Variants in TMEM163 observed in about 807,000 individuals in gnomAD.
TMEM163 encodes the protein transmembrane protein 163.
TMEM163 carries 17 observed loss-of-function variants against 29.3 expected under a neutral mutation model. The observed-to-expected ratio is 0.58, with a 90% CI of 0.40 to 0.87. The LOEUF (loss-of-function observed/expected upper bound fraction) is 0.87. Among genes scored for constraint, TMEM163 ranks in the 40% least tolerant of loss-of-function variants. The pLI is 0.00. For missense variants in TMEM163, 303 were observed against 381.5 expected (o/e 0.79, Z 1.71); for synonymous variants, 157 against 160.6 (o/e 0.98, Z 0.17).
chr2:134,584,910 G>A (rs1226913248), intron 2 of TMEM163, among the ~76,000 whole-genome samples: 1 of 152,160 alleles, frequency 6.6e-6, no homozygotes, highest in East Asian at 1.9e-4. Flanking sequence ...GAGCTGGTAA[G>A]CAGCAGAGTC....
At chr2:134,503,146 T>C (rs1483692433) in intron 4 of TMEM163, 149 bp from the exon 5 acceptor site, 17 of 688,012 alleles carry the variant, frequency 2.5e-5, no homozygotes, top group Non-Finnish European at 3.5e-5. Context: ...AGTCCATGGA[T>C]TGACACTAAG....
chr2:134,462,905 G>T (rs936334588), intron 6 of TMEM163, among the ~76,000 whole-genome samples: 6 of 152,238 alleles, frequency 3.9e-5, no homozygotes, highest in Admixed American at 6.5e-5. Context: ...CCACAGCCAG[G>T]TGTCCAGCGA....
chr2:134,708,250 G>A (rs771254843), intron 2 of TMEM163, among the ~76,000 whole-genome samples: 60 of 152,332 alleles, frequency 3.9e-4, no homozygotes, highest in Non-Finnish European at 8.2e-4. Context: ...GAAAGTATCT[G>A]AAGAGTCTTA....
intron 2 of TMEM163, among the ~76,000 whole-genome samples, chr2:134,637,796 T>C (rs920435933): frequency 2.0e-5 from 3 of 152,250 alleles, no homozygotes; most frequent in East Asian, 1.9e-4. Context: ...GCAGCTCACA[T>C]TTATTTCAAT....
intron 2 of TMEM163, among the ~76,000 whole-genome samples, chr2:134,556,299 C>T (rs776426115): frequency 6.6e-6 from 1 of 152,190 alleles, no homozygotes; most frequent in South Asian, 2.1e-4. Flanking sequence ...CACTTCCAGC[C>T]ACATGAGTCT....
chr2:134,464,071 C>T (rs932312753), intron 6 of TMEM163, among the ~76,000 whole-genome samples: 1 of 152,218 alleles, frequency 6.6e-6, no homozygotes, highest in Non-Finnish European at 1.5e-5. Context: ...ACTGCTTTTA[C>T]CATCTAAGTA....
intron 2 of TMEM163, among the ~76,000 whole-genome samples, chr2:134,597,345 G>T (rs1233373006): frequency 2.0e-5 from 3 of 152,178 alleles, no homozygotes; most frequent in African/African-American, 4.8e-5. Context: ...TTTTGTCAAA[G>T]GCCTTTTCTG....
At chr2:134,639,647 G>T (rs1303701297) in intron 2 of TMEM163, among the ~76,000 whole-genome samples, 2 of 152,160 alleles carry the variant, frequency 1.3e-5, no homozygotes, top group African/African-American at 4.8e-5. Context: ...CTTTTGTCTA[G>T]TTATAGCAAA....
intron 2 of TMEM163, among the ~76,000 whole-genome samples, chr2:134,662,514 A>G (rs902081995): frequency 2.6e-5 from 4 of 152,204 alleles, no homozygotes; most frequent in East Asian, 3.9e-4. Flanking sequence ...AATTATTCAT[A>G]TAATTTCAAA....
chr2:134,609,069 C>T (rs1288298756), intron 2 of TMEM163, among the ~76,000 whole-genome samples: 1 of 79,186 alleles, frequency 1.3e-5, no homozygotes, highest in Non-Finnish European at 2.6e-5. Flanking sequence ...AGGACAGACC[C>T]CGAGAACTGT....
At chr2:134,592,890 A>AGATAGATAGATAGATAGATAGACC (rs1471437013) in intron 2 of TMEM163, among the ~76,000 whole-genome samples, 1 of 152,104 alleles carries the variant, frequency 6.6e-6, no homozygotes, top group African/African-American at 2.4e-5. Flanking sequence ...ATAGATAGAT[A>AGATAGATAGATAGATAGATAGACC]GACCAACCCT....
intron 4 of TMEM163, among the ~76,000 whole-genome samples, chr2:134,514,827 C>T (rs1029110477): frequency 2.6e-5 from 4 of 152,142 alleles, no homozygotes; most frequent in African/African-American, 9.7e-5. Flanking sequence ...ACTGTACCTG[C>T]GCAGAAACTT....
At chr2:134,549,599 C>T (rs1446938316) in intron 4 of TMEM163, among the ~76,000 whole-genome samples, 2 of 152,160 alleles carry the variant, frequency 1.3e-5, no homozygotes, top group East Asian at 3.9e-4. Flanking sequence ...CTGCCTCAGC[C>T]TCCCAAAGTG....
At chr2:134,615,811 C>CATGCCCAGCTAATTCTTGTATTTTT (rs1682598866) in intron 2 of TMEM163, among the ~76,000 whole-genome samples, 1 of 152,078 alleles carries the variant, frequency 6.6e-6, no homozygotes, top group Non-Finnish European at 1.5e-5. Context: ...TGCCCGCTGC[C>CATGCCCAGCTAATTCTTGTATTTTT]ATGCCCAGCT....
chr2:134,706,045 G>C (rs1684805134), intron 2 of TMEM163, among the ~76,000 whole-genome samples: 1 of 152,192 alleles, frequency 6.6e-6, no homozygotes, highest in Non-Finnish European at 1.5e-5. Flanking sequence ...AGGGAGGCAG[G>C]GCAGGCAGGC....
chr2:134,678,980 A>G (rs1010594773), intron 2 of TMEM163, among the ~76,000 whole-genome samples: 2 of 152,248 alleles, frequency 1.3e-5, no homozygotes, highest in African/African-American at 4.8e-5. Context: ...ACCTATGTGT[A>G]TGAAAATAAT....
At chr2:134,698,709 T>A (rs1267581902) in intron 2 of TMEM163, among the ~76,000 whole-genome samples, 1 of 152,222 alleles carries the variant, frequency 6.6e-6, no homozygotes, top group Non-Finnish European at 1.5e-5. Flanking sequence ...ATATTTAATA[T>A]AAATTTTATC....
intron 2 of TMEM163, among the ~76,000 whole-genome samples, chr2:134,633,788 C>A (rs1303809282): frequency 6.6e-6 from 1 of 151,578 alleles, no homozygotes; most frequent in African/African-American, 2.4e-5. Context: ...ATGGCAAAAC[C>A]TTGTCTCTAC....
chr2:134,533,331 T>C (rs1019543086), intron 4 of TMEM163, among the ~76,000 whole-genome samples: 3 of 152,158 alleles, frequency 2.0e-5, no homozygotes, highest in Non-Finnish European at 2.9e-5. Context: ...AGATCCTATT[T>C]TCATTACACC....
Sources: allele counts gnomAD v4.1 joint callset (sites outside exome capture counted in the v4.1 genomes callset), GRCh38; gene constraint gnomAD v4.1.1; transcripts MANE v1.5; gene names NCBI Gene and HGNC (gene_info 2026-07-23, HGNC 2026-07-21).